Variants in FOXP2 observed in about 807,000 individuals in gnomAD.
FOXP2 encodes the protein forkhead box protein P2.
FOXP2 carries 12 observed loss-of-function variants against 115.8 expected under a neutral mutation model. That is an observed-to-expected ratio of 0.10 (90% confidence interval 0.07 to 0.17). The LOEUF (loss-of-function observed/expected upper bound fraction) is 0.17, where lower values mean the gene tolerates loss of function less well. FOXP2 is among the 10% of genes least tolerant of loss of function. The pLI, the probability that FOXP2 is intolerant of heterozygous loss-of-function variation, is 1.00. For synonymous variants in FOXP2, 328 were observed against 297.7 expected, an observed-to-expected ratio of 1.10 and a Z score of -1.05; for missense variants, 629 against 843.5, an observed-to-expected ratio of 0.75 and a Z score of 3.15.
intron 2 of FOXP2, among the ~76,000 whole-genome samples, chr7:114,465,491 G>C (rs1795762994): frequency 1.3e-5 from 2 of 152,132 alleles, no homozygotes; most frequent in African/African-American, 4.8e-5. Flanking sequence ...GATAAAATGA[G>C]AACCAATAAA....
At position 114,470,864 on chromosome 7, in the gene FOXP2, T is replaced by G. The variant is rs1159241184; in HGVS notation, c.168+44185T>G. Among the ~76,000 whole-genome samples the G allele has an allele frequency of 1.1e-4, 17 of 152,262 alleles. 1 individual carries two copies. The highest frequency in any genetic ancestry group is 6.8e-3 in the Middle Eastern group (2 of 294). On this transcript the variant is annotated intron_variant, in intron 2 of 16. Coordinates refer to ENST00000350908, the MANE Select transcript of FOXP2 (RefSeq NM_014491.4). ...GGAAGGGGGAGAGCATTTCCCTTTGTGTTCTTGTTTTCCTTAAACTGGACC... is the reference window on the plus strand; with the variant it reads ...GGAAGGGGGAGAGCATTTCCCTTTGGGTTCTTGTTTTCCTTAAACTGGACC...
intron 10 of FOXP2, among the ~76,000 whole-genome samples, chr7:114,654,979 T>C (rs1806491273): frequency 6.6e-6 from 1 of 152,152 alleles, no homozygotes; most frequent in South Asian, 2.1e-4. Context: ...ATATTTAAAC[T>C]CTGCTAAGCT....
chr7:114,542,771 T>G (rs1477042759), intron 3 of FOXP2, among the ~76,000 whole-genome samples: 1 of 148,628 alleles, frequency 6.7e-6, no homozygotes, highest in East Asian at 2.0e-4. Flanking sequence ...GAATAAATTT[T>G]TTTGTTTTTG....
At chr7:114,460,774 A>G (rs945419039) in intron 2 of FOXP2, among the ~76,000 whole-genome samples, 37 of 152,220 alleles carry the variant, frequency 2.4e-4, no homozygotes, top group African/African-American at 8.9e-4. Context: ...CACATGAAAT[A>G]GTTTCAGTGG....
intron 2 of FOXP2, among the ~76,000 whole-genome samples, chr7:114,438,044 G>T (rs1794431181): frequency 6.6e-6 from 1 of 152,012 alleles, no homozygotes; most frequent in Non-Finnish European, 1.5e-5. Context: ...TGGGTTAAAT[G>T]AAATATATTA....
intron 1 of FOXP2, among the ~76,000 whole-genome samples, chr7:114,144,931 A>G (rs1411813174): frequency 6.6e-6 from 1 of 152,208 alleles, no homozygotes; most frequent in Non-Finnish European, 1.5e-5. Context: ...TAATGTTCAA[A>G]TTGACTCTTC....
chr7:114,219,080 G>C (rs540063542), intron 1 of FOXP2, among the ~76,000 whole-genome samples: 6 of 152,128 alleles, frequency 3.9e-5, no homozygotes, highest in Non-Finnish European at 8.8e-5. Flanking sequence ...CCAAACAACT[G>C]AAGTCTCAAT....
At chr7:114,678,533 G>A (rs993035289) in intron 16 of FOXP2, among the ~76,000 whole-genome samples, 10 of 134,734 alleles carry the variant, frequency 7.4e-5, no homozygotes, top group East Asian at 2.2e-4. Context: ...ACTTCTCTCC[G>A]GAAATAAGTG....
At position 114,690,129 on chromosome 7, in the gene FOXP2, CTTTT is replaced by C. The variant is rs398005924; in HGVS notation, c.*217_*220del. ...TGCTTGTTTTCTTCTTCTTCTTCTT[CTTTT>C]TTTTTTTTTTTTTAGAAAAAAAGAC... On this transcript the variant is annotated 3_prime_UTR_variant, in exon 17 of 17. Coordinates refer to ENST00000350908, the MANE Select transcript of FOXP2 (RefSeq NM_014491.4). 1.7e-3 allele frequency: 723 copies of C among 420,202 alleles called. No homozygotes were observed. Among genetic ancestry groups the C allele is most frequent in the Non-Finnish European group, 2.2e-3 (508 of 231,720 alleles). The allele number at this position is 420,202 out of a possible 1,614,324, so 26.0% of individuals were successfully genotyped here.
chr7:114,306,600 A>G (rs1312282800), intron 2 of FOXP2, among the ~76,000 whole-genome samples: 2 of 152,194 alleles, frequency 1.3e-5, no homozygotes, highest in South Asian at 2.1e-4. Context: ...TGAACCCTGC[A>G]CTACATTAGT....
At chr7:114,238,316 G>C (rs1194320) in intron 1 of FOXP2, among the ~76,000 whole-genome samples, 96,156 of 151,500 alleles carry the variant, frequency 0.63, 31,548 homozygotes, top group Middle Eastern at 0.81. Flanking sequence ...TTAGGAAATT[G>C]TGATTAGTTT....
intron 2 of FOXP2, among the ~76,000 whole-genome samples, chr7:114,519,526 G>A (rs533145619): frequency 4.9e-4 from 75 of 152,232 alleles, no homozygotes; most frequent in Admixed American, 5.9e-4. Flanking sequence ...AGGATTCAGT[G>A]TAATGGCTTA....
chr7:114,560,619 G>A (rs747976670), intron 3 of FOXP2, among the ~76,000 whole-genome samples: 7 of 151,808 alleles, frequency 4.6e-5, no homozygotes, highest in Admixed American at 3.3e-4. Flanking sequence ...CTGTTCCCCC[G>A]CCTCCGCCAA....
intron 1 of FOXP2, among the ~76,000 whole-genome samples, chr7:114,243,946 T>C (rs1442093807): frequency 6.6e-6 from 1 of 151,998 alleles, no homozygotes; most frequent in Non-Finnish European, 1.5e-5. Context: ...TTTTGTGTTT[T>C]AGGAGATGGC....
chr7:114,101,942 T>G (rs1790978752), intron 1 of FOXP2, among the ~76,000 whole-genome samples: 1 of 150,012 alleles, frequency 6.7e-6, no homozygotes, highest in Admixed American at 6.7e-5. Context: ...TGTGTGTGTC[T>G]AGAAGGCAAA....
chr7:114,291,613 G>A lies in FOXP2; in HGVS notation c.-11+3504G>A, dbSNP rs568965015. 4.6e-5 allele frequency among the ~76,000 whole-genome samples: 7 copies of A among 151,718 alleles called. No homozygotes were observed. In the Admixed American group the frequency reaches 4.6e-4, roughly 10 times the overall value. Reference sequence around the variant, plus strand: ...AGGCTGCAATCAAAATGTCAGCCAGGTTGCATTTTCATTTAGAGCTCAGGG... The same window carrying A: ...AGGCTGCAATCAAAATGTCAGCCAGATTGCATTTTCATTTAGAGCTCAGGG... On this transcript the variant is annotated intron_variant, in intron 2 of 17. Coordinates refer to the FOXP2 transcript ENST00000634411.
At chr7:114,577,661 T>C (rs1801644087) in intron 3 of FOXP2, among the ~76,000 whole-genome samples, 1 of 151,898 alleles carries the variant, frequency 6.6e-6, no homozygotes, top group African/African-American at 2.4e-5. Flanking sequence ...AAGAGAGAGA[T>C]TGTGAGATAT....
At chr7:114,240,349 C>T (rs537338489) in intron 1 of FOXP2, among the ~76,000 whole-genome samples, 51 of 151,966 alleles carry the variant, frequency 3.4e-4, no homozygotes, top group African/African-American at 1.1e-3. Context: ...GTATTTATTT[C>T]GTTTGTTTAA....
At chr7:114,656,021 A>G (rs1030386218) in intron 10 of FOXP2, among the ~76,000 whole-genome samples, 5 of 152,246 alleles carry the variant, frequency 3.3e-5, no homozygotes, top group African/African-American at 1.2e-4. Flanking sequence ...GTTAATAATA[A>G]ATTCTATTTT....
Sources: allele counts gnomAD v4.1 joint callset (sites outside exome capture counted in the v4.1 genomes callset), GRCh38; gene constraint gnomAD v4.1.1; transcripts MANE v1.5; gene names NCBI Gene and HGNC (gene_info 2026-07-23, HGNC 2026-07-21).